The following TPGS2 variants were observed in gnomAD, a reference collection of about 807,000 sequenced individuals.
TPGS2 encodes tubulin polyglutamylase complex subunit 2, also known as polyglutamylase subunit 2.
A neutral mutation model predicts 31.1 loss-of-function variants in TPGS2; 26 were observed. The observed-to-expected ratio is 0.84, with a 90% CI of 0.61 to 1.16. TPGS2 has a LOEUF of 1.16. Among genes scored for constraint, TPGS2 ranks in the 50% most tolerant of loss-of-function variants. The pLI, the probability that TPGS2 is intolerant of heterozygous loss-of-function variation, is 0.00. For synonymous variants in TPGS2, 130 were observed against 136.6 expected (o/e 0.95, Z 0.34); for missense variants, 351 against 363.8 (o/e 0.96, Z 0.29).
At chr18:36,807,495 G>A in intron 3 of TPGS2, 1 of 242,940 alleles carries the variant, frequency 4.1e-6, no homozygotes, top group Non-Finnish European at 7.8e-6. Context: ...GACTGTCACT[G>A]CCGCCTACCC....
chr18:36,807,730 G>C (rs528186665), intron 3 of TPGS2, 117 bp downstream of exon 3: 1 of 847,658 alleles, frequency 1.2e-6, no homozygotes, highest in Non-Finnish European at 1.9e-6. Context: ...CATGGCACTT[G>C]AGGGGCACCC....
chr18:36,823,460 G>GT (rs919277214), intron 1 of TPGS2, among the ~76,000 whole-genome samples: 1,183 of 108,074 alleles, frequency 0.011, 71 homozygotes, highest in Middle Eastern at 0.017. Context: ...TTAACAGCTT[G>GT]TTTTTTTTTT....
rs1470568206 is a variant in TPGS2, at chr18:36,795,602, C to G, written c.*1203G>C. On this transcript the variant is annotated 3_prime_UTR_variant, in exon 7 of 7. Coordinates refer to ENST00000334295, the MANE Select transcript of TPGS2 (RefSeq NM_015476.4). Reference sequence around the variant, plus strand: ...ATTCCTAATTGAAAATCTGAGCAACCTTCTCTGTAAAAATTTCATTAAATG... The same window carrying G: ...ATTCCTAATTGAAAATCTGAGCAACGTTCTCTGTAAAAATTTCATTAAATG... The G allele has an allele frequency of 5.1e-6, 5 of 985,412 alleles. No homozygotes were observed. The highest frequency in any genetic ancestry group is 1.7e-5 in the African/African-American group (1 of 57,358). The allele number at this position is 985,412 out of a possible 1,614,324, so 61.0% of individuals were successfully genotyped here.
intron 1 of TPGS2, chr18:36,823,949 C>A (rs879916030): frequency 1.3e-5 from 10 of 743,432 alleles, no homozygotes; most frequent in Non-Finnish European, 1.6e-5. Context: ...AGACATAATT[C>A]GCATACCATA....
downstream of TPGS2, chr18:36,780,329 G>T (rs1246056974): frequency 1.6e-6 from 1 of 617,186 alleles, no homozygotes; most frequent in South Asian, 8.9e-5. Flanking sequence ...GGTTTGTTTT[G>T]CCCCATCCTG....
chr18:36,786,848 A>C, intron 6 of TPGS2: 1 of 1,234,308 alleles, frequency 8.1e-7, no homozygotes, highest in Non-Finnish European at 1.0e-6. Context: ...ACAGTGAAAA[A>C]TAGCACATTC....
chr18:36,789,570 T>C (rs2044237884), downstream of TPGS2: 1 of 152,306 alleles, frequency 6.6e-6, no homozygotes, highest in East Asian at 1.9e-4. Context: ...TTAAATTTAG[T>C]TTTGTATAAA....
chr18:36,792,666 T>C (rs1015632121), downstream of TPGS2, among the ~76,000 whole-genome samples: 5 of 152,196 alleles, frequency 3.3e-5, no homozygotes, highest in Non-Finnish European at 7.4e-5. Flanking sequence ...TGATTTAGTA[T>C]GTCTGGAGGG....
At chr18:36,814,972 T>A (rs2045590280) in intron 2 of TPGS2, among the ~76,000 whole-genome samples, 1 of 152,256 alleles carries the variant, frequency 6.6e-6, no homozygotes, top group Non-Finnish European at 1.5e-5. Context: ...AAGCTCTGGA[T>A]ATATTTGGGC....
chr18:36,798,969 T>C (rs1297222701), intron 5 of TPGS2, among the ~76,000 whole-genome samples: 5 of 152,188 alleles, frequency 3.3e-5, no homozygotes, highest in Admixed American at 6.5e-5. Context: ...TCAGCTTTCC[T>C]GAGAGAGAAA....
In TPGS2 at chr18:36,795,815, G is replaced by A; in HGVS notation, c.*990C>T. On this transcript the variant is annotated 3_prime_UTR_variant, in exon 7 of 7. Transcript: ENST00000334295. ...AGGATGGCCAGGGACCAGGCAAAGTGAGGCTGGACAACTCAGAGCTGTGAA... is the reference window on the plus strand; with the variant it reads ...AGGATGGCCAGGGACCAGGCAAAGTAAGGCTGGACAACTCAGAGCTGTGAA... 2.0e-6 allele frequency: 2 copies of A among 985,502 alleles called. No homozygotes were observed. The highest frequency in any genetic ancestry group is 2.4e-6 in the Non-Finnish European group (2 of 829,956). 61.0% of individuals were successfully genotyped at this position (985,502 alleles called of 1,614,324 possible).
intron 2 of TPGS2, among the ~76,000 whole-genome samples, chr18:36,809,279 A>G (rs905778919): frequency 6.6e-6 from 1 of 152,208 alleles, no homozygotes; most frequent in Non-Finnish European, 1.5e-5. Context: ...AGACTAGGAA[A>G]TTATTATTAT....
rs1372811321 is a variant in TPGS2, at chr18:36,796,782, T to C, written c.*23A>G. On this transcript the variant is annotated 3_prime_UTR_variant, in exon 7 of 7. Coordinates refer to ENST00000334295, the MANE Select transcript of TPGS2 (RefSeq NM_015476.4). ...ATGGAAACCACCACTCTGGAGCTGG[T>C]AGGGAGTTGGAGGGAGGGGTGCTCA... The C allele has an allele frequency of 1.3e-6, 2 of 1,583,562 alleles. No individual in the cohort carries two copies. The highest frequency in any genetic ancestry group is 1.2e-5 in the South Asian group (1 of 84,722).
At chr18:36,783,780 C>T (rs941007448) in intron 6 of TPGS2, among the ~76,000 whole-genome samples, 14 of 152,178 alleles carry the variant, frequency 9.2e-5, no homozygotes, top group African/African-American at 3.4e-4. Flanking sequence ...GAATGACAGC[C>T]ATCTAACAGT....
Position 36,795,182 on chromosome 18 carries a change from T to TCAA in TPGS2, c.*1620_*1622dup. Reference sequence around the variant, plus strand: ...TTCTCATGAATATCTATCACTATTGTCAACAATCAAAATAAACATGTTTCA... The same window carrying TCAA: ...TTCTCATGAATATCTATCACTATTGTCAACAACAATCAAAATAAACATGTTTCA... On this transcript the variant is annotated 3_prime_UTR_variant, in exon 7 of 7. Transcript: ENST00000334295. 1 of 985,360 alleles carries TCAA rather than the reference T, an allele frequency of 1.0e-6. No homozygotes were observed. The highest frequency in any genetic ancestry group is 1.1e-4 in the East Asian group (1 of 8,806). 61.0% of individuals were successfully genotyped at this position (985,360 alleles called of 1,614,324 possible).
downstream of TPGS2, among the ~76,000 whole-genome samples, chr18:36,790,401 G>C (rs2044268825): frequency 6.6e-6 from 1 of 152,242 alleles, no homozygotes; most frequent in South Asian, 2.1e-4. Flanking sequence ...AAAGCATCCA[G>C]AGAGATGGTT....
At chr18:36,820,436 T>C (rs376840981) in intron 1 of TPGS2, among the ~76,000 whole-genome samples, 161 of 152,290 alleles carry the variant, frequency 1.1e-3, no homozygotes, top group African/African-American at 3.7e-3. Context: ...AGATAGTAAG[T>C]TGCTTAGGAA....
At chr18:36,824,705 T>G (rs1467270553) in intron 1 of TPGS2, among the ~76,000 whole-genome samples, 1 of 152,222 alleles carries the variant, frequency 6.6e-6, no homozygotes, top group East Asian at 1.9e-4. Flanking sequence ...AAAATTGAAT[T>G]ATTTGTCTTT....
chr18:36,798,058 G>T, intron 6 of TPGS2: 1 of 702,824 alleles, frequency 1.4e-6, no homozygotes, highest in Non-Finnish European at 1.8e-6. Flanking sequence ...TCTTGGGAAG[G>T]GCGTACAGGA....
Sources: gnomAD v4.1 joint callset for allele counts (sites outside exome capture counted in the v4.1 genomes callset) on GRCh38, gnomAD v4.1.1 for gene constraint, MANE v1.5 for transcripts, NCBI Gene and HGNC (gene_info 2026-07-23, HGNC 2026-07-21) for gene names.